Variants in CHKA observed in about 807,000 individuals in gnomAD.
CHKA encodes choline kinase alpha.
Under a neutral mutation model 60.1 loss-of-function variants are expected in CHKA, and 34 were observed. The observed-to-expected ratio is 0.57, with a 90% confidence interval of 0.43 to 0.75. The LOEUF (loss-of-function observed/expected upper bound fraction) is 0.75, where lower values mean the gene tolerates loss of function less well. Among genes scored for constraint, CHKA ranks in the 30% least tolerant of loss-of-function variants. The probability of loss-of-function intolerance (pLI) is 0.00; values close to 1 mark genes in which losing one functional copy is unlikely to be tolerated. For synonymous variants in CHKA, 217 were observed against 223.1 expected, an observed-to-expected ratio of 0.97 and a Z score of 0.24; for missense variants, 563 against 561.3, an observed-to-expected ratio of 1.00 and a Z score of -0.03.
intron 1 of CHKA, among the ~76,000 whole-genome samples, chr11:68,102,074 T>C (rs1412558214): frequency 6.8e-6 from 1 of 147,016 alleles, no homozygotes; most frequent in Non-Finnish European, 1.5e-5. Flanking sequence ...CACTCCAGCC[T>C]GGGTGACAGA....
intron 2 of CHKA, among the ~76,000 whole-genome samples, chr11:68,093,775 T>C (rs1385827494): frequency 6.6e-6 from 1 of 152,232 alleles, no homozygotes; most frequent in Non-Finnish European, 1.5e-5. Context: ...ACTCATATAA[T>C]AAACCAGAAC....
In CHKA at chr11:68,052,914, T is replaced by G. The variant is rs1225151094; in HGVS notation, c.*1074A>C. Reference sequence around the variant, plus strand: ...CAATCTCTGTGGTAGCAGAAATATATGCACAAAAAACAATTCAAATAAGAG... The same window carrying G: ...CAATCTCTGTGGTAGCAGAAATATAGGCACAAAAAACAATTCAAATAAGAG... On this transcript the variant is annotated 3_prime_UTR_variant, in exon 12 of 12. Coordinates refer to ENST00000265689, the MANE Select transcript of CHKA (RefSeq NM_001277.3). The G allele has an allele frequency of 6.6e-6, 1 of 152,388 alleles. No homozygotes were observed. Among genetic ancestry groups the G allele is most frequent in the African/African-American group, 2.4e-5 (1 of 41,408 alleles). 9.4% of individuals were successfully genotyped at this position (152,388 alleles called of 1,614,324 possible). A position where few individuals can be genotyped will look rare whatever the true frequency, so the allele number is the denominator to read the frequency against.
At chr11:68,102,576 A>G (rs929386217) in intron 1 of CHKA, among the ~76,000 whole-genome samples, 3 of 152,246 alleles carry the variant, frequency 2.0e-5, no homozygotes, top group African/African-American at 7.2e-5. Flanking sequence ...AACTTAAAGT[A>G]AGACCTGAAA....
At chr11:68,102,948 T>C (rs1186242084) in intron 1 of CHKA, among the ~76,000 whole-genome samples, 1 of 152,120 alleles carries the variant, frequency 6.6e-6, no homozygotes, top group East Asian at 1.9e-4. Context: ...TACTTTAGCC[T>C]GGGTGACAGA....
intron 3 of CHKA, among the ~76,000 whole-genome samples, chr11:68,078,557 AAAC>A (rs1856866021): frequency 6.6e-6 from 1 of 152,226 alleles, no homozygotes; most frequent in African/African-American, 2.4e-5. Flanking sequence ...CAAGGGGTTT[AAAC>A]TGACTTTTCA....
chr11:68,080,736 C>T (rs1450609768), intron 3 of CHKA, among the ~76,000 whole-genome samples: 2 of 152,244 alleles, frequency 1.3e-5, no homozygotes, highest in Non-Finnish European at 2.9e-5. Context: ...GTATGTTGGG[C>T]ATGTGTGCAC....
intron 7 of CHKA, among the ~76,000 whole-genome samples, chr11:68,067,563 C>G (rs1856485636): frequency 6.6e-6 from 1 of 152,134 alleles, no homozygotes; most frequent in South Asian, 2.1e-4. Flanking sequence ...CTACTGCACA[C>G]CAGCCTGGGT....
intron 2 of CHKA, among the ~76,000 whole-genome samples, chr11:68,087,665 C>G (rs1311040473): frequency 1.3e-5 from 2 of 151,880 alleles, no homozygotes; most frequent in East Asian, 3.9e-4. Flanking sequence ...AATTAAGAAA[C>G]ATGGATGACA....
Position 68,121,277 on chromosome 11 carries a change from C to A in CHKA, c.-100G>T. ...CCTCGCCGCTCTCTCACTGGCAGGC[C>A]GGCGGGGCAGGGGGCCGCGGCGGTT... On this transcript the variant is annotated 5_prime_UTR_variant, in exon 1 of 12. Coordinates refer to ENST00000265689, the MANE Select transcript of CHKA (RefSeq NM_001277.3). 1 of 993,632 alleles carries A rather than the reference C, an allele frequency of 1.0e-6. No individual in the cohort carries two copies. Among genetic ancestry groups the A allele is most frequent in the Non-Finnish European group, 1.2e-6 (1 of 822,720 alleles). 61.6% of individuals were successfully genotyped at this position (993,632 alleles called of 1,614,324 possible).
At chr11:68,093,007 GTT>G (rs34534250) in intron 2 of CHKA, among the ~76,000 whole-genome samples, 6,854 of 139,658 alleles carry the variant, frequency 0.049, 185 homozygotes, top group Middle Eastern at 0.074. Flanking sequence ...TTTTTTTTGG[GTT>G]TTTTTTTTTT....
intron 11 of CHKA, among the ~76,000 whole-genome samples, chr11:68,055,528 C>T (rs1358493257): frequency 1.3e-5 from 2 of 152,232 alleles, no homozygotes; most frequent in African/African-American, 4.8e-5. Flanking sequence ...CTGGCTGTCG[C>T]GACTGCATTC....
At chr11:68,119,464 G>A (rs1182288846) in intron 1 of CHKA, among the ~76,000 whole-genome samples, 1 of 152,072 alleles carries the variant, frequency 6.6e-6, no homozygotes, top group Non-Finnish European at 1.5e-5. Flanking sequence ...AGAAAATGAC[G>A]GAACACGTTC....
chr11:68,097,044 C>T lies in CHKA; in HGVS notation c.437G>A (p.Arg146Gln), dbSNP rs1422167417. 1.2e-6 allele frequency: 2 copies of T among 1,613,242 alleles called. No homozygotes were observed. Among genetic ancestry groups the T allele is most frequent in the Non-Finnish European group, 1.7e-6 (2 of 1,179,600 alleles). Residue 146 changes from arginine to glutamine, a missense_variant, in exon 2 of 12, where the codon CGG (arginine) becomes CAG (glutamine). By Grantham distance (43) the Arg-to-Gln change is conservative. Transcript: ENST00000265689. ...LGDEPRKVLL[R>Q]LYGAILQMRS... Reference sequence around the variant, plus strand: ...CATCTGCAAAATCGCTCCATACAGCCGCAGGAGCACTTTCCGAGGCTCATC... The same window carrying T: ...CATCTGCAAAATCGCTCCATACAGCTGCAGGAGCACTTTCCGAGGCTCATC...
chr11:68,060,649 C>A (rs1856201763), intron 11 of CHKA, among the ~76,000 whole-genome samples: 1 of 152,218 alleles, frequency 6.6e-6, no homozygotes, highest in African/African-American at 2.4e-5. Context: ...CCATTTTCTT[C>A]TTTCACTTTT....
At chr11:68,083,953 T>C (rs1273839610) in intron 2 of CHKA, among the ~76,000 whole-genome samples, 3 of 151,916 alleles carry the variant, frequency 2.0e-5, no homozygotes, top group African/African-American at 7.3e-5. Flanking sequence ...GGAAGTTAAA[T>C]ATATTTTGGG....
At chr11:68,083,731 C>A (rs1405511796) in intron 2 of CHKA, among the ~76,000 whole-genome samples, 1 of 152,106 alleles carries the variant, frequency 6.6e-6, no homozygotes, top group Non-Finnish European at 1.5e-5. Flanking sequence ...TCCCTCACTC[C>A]ACCCCCAGAT....
chr11:68,100,656 CAATA>C (rs543191132), intron 1 of CHKA, among the ~76,000 whole-genome samples: 5 of 150,474 alleles, frequency 3.3e-5, no homozygotes, highest in Admixed American at 2.0e-4. Flanking sequence ...ACATCATCTC[CAATA>C]AATAAATAAA....
At chr11:68,070,943 T>C (rs1856598439) in intron 4 of CHKA, 86 bp from the exon 5 acceptor site, 2 of 1,365,950 alleles carry the variant, frequency 1.5e-6, no homozygotes, top group Non-Finnish European at 2.0e-6. Context: ...ACGAGAAGTG[T>C]TTTTGTAGTG....
intron 4 of CHKA, among the ~76,000 whole-genome samples, chr11:68,071,089 C>G (rs1565176745): frequency 6.6e-6 from 1 of 152,166 alleles, no homozygotes; most frequent in African/African-American, 2.4e-5. Flanking sequence ...CATTTTGAAC[C>G]CTTTTTAACT....
Sources: allele counts gnomAD v4.1 joint callset (sites outside exome capture counted in the v4.1 genomes callset), GRCh38; gene constraint gnomAD v4.1.1; transcripts MANE v1.5; gene names NCBI Gene and HGNC (gene_info 2026-07-23, HGNC 2026-07-21).